CES1: variants seen among roughly 807,000 people sequenced by gnomAD.
CES1 encodes the protein liver carboxylesterase 1.
CES1 carries 50 observed loss-of-function variants against 53.0 expected under a neutral mutation model. The observed-to-expected ratio is 0.94, with a 90% CI of 0.75 to 1.19. The LOEUF (loss-of-function observed/expected upper bound fraction) is 1.19, where lower values mean the gene tolerates loss of function less well. Ranked by LOEUF, CES1 falls within the 50% of genes most tolerant of loss-of-function variation. CES1 has a pLI of 0.00. For synonymous variants in CES1, 202 were observed against 210.1 expected (o/e 0.96, Z 0.33); for missense variants, 534 against 538.0 (o/e 0.99, Z 0.07).
intron 8 of CES1, among the ~76,000 whole-genome samples, chr16:55,814,662 C>A (rs573117288): frequency 2.0e-5 from 3 of 152,368 alleles, no homozygotes; most frequent in East Asian, 3.9e-4. Context: ...TCTGTGGAAT[C>A]TTCCCAGTTC....
At chr16:55,816,795 C>G in intron 8 of CES1, 129 bp downstream of exon 8, 1 of 1,171,900 alleles carries the variant, frequency 8.5e-7, no homozygotes. Flanking sequence ...CTACCCCTCT[C>G]TGGGCCTCAG....
In CES1 at chr16:55,828,876, A is replaced by G; in HGVS notation, c.151T>C (p.Phe51Leu). 1 of 1,614,250 alleles carries G rather than the reference A, an allele frequency of 6.2e-7. No homozygotes were observed. The highest frequency in any genetic ancestry group is 1.7e-5 in the Admixed American group (1 of 60,036). ...GGCTTGGCAAAAGGGATTCCCAGGA[A>G]AATGGCCACAGGCTGTGCAAATCCT... Reference protein sequence around the residue: ...LEGFAQPVAIFLGIPFAKPPL... With the variant: ...LEGFAQPVAILLGIPFAKPPL... The change falls in exon 2 of 14, where the codon TTC becomes CTC. Residue 51 changes from phenylalanine (F) to leucine (L), a missense_variant. Physicochemically the swap from Phe to Leu is conservative, Grantham distance 22. Transcript: ENST00000360526.
At chr16:55,823,048 A>C (rs1185728560) in intron 4 of CES1, among the ~76,000 whole-genome samples, 14 of 152,082 alleles carry the variant, frequency 9.2e-5, no homozygotes, top group African/African-American at 3.4e-4. Flanking sequence ...AGTGGGTCCC[A>C]ACACTCCCAC....
At chr16:55,830,846 G>GCAGGCAGA (rs2032634722) in intron 1 of CES1, among the ~76,000 whole-genome samples, 1 of 151,454 alleles carries the variant, frequency 6.6e-6, no homozygotes, top group Admixed American at 6.6e-5. Flanking sequence ...AGGCAGGCAG[G>GCAGGCAGA]CAAGTGGGAG....
chr16:55,813,771 C>T (rs2031809116), intron 8 of CES1, among the ~76,000 whole-genome samples: 2 of 152,172 alleles, frequency 1.3e-5, no homozygotes, highest in Admixed American at 1.3e-4. Flanking sequence ...GACAGCAGCG[C>T]TACTCTTGGG....
At chr16:55,828,213 G>C (rs867212440) in intron 2 of CES1, 1 of 197,014 alleles carries the variant, frequency 5.1e-6, no homozygotes, top group African/African-American at 2.4e-5. Context: ...AGCTTGGCCA[G>C]GGTGAATGGA....
intron 8 of CES1, among the ~76,000 whole-genome samples, chr16:55,814,327 G>A (rs1377778365): frequency 6.6e-6 from 1 of 152,232 alleles, no homozygotes; most frequent in Non-Finnish European, 1.5e-5. Context: ...TGCCATCAGG[G>A]CAGCTGGTTC....
intron 9 of CES1, 26 bp downstream of exon 9, chr16:55,812,877 C>T: frequency 6.2e-7 from 1 of 1,613,530 alleles, no homozygotes; most frequent in South Asian, 1.1e-5. Flanking sequence ...TGGTTGAGTC[C>T]CTCCAACAGA....
Position 55,809,093 on chromosome 16 carries a change from C to CAAAAAAAAAAAAAAAAA in CES1, c.1318+1407_1318+1423dup, listed in dbSNP as rs376932562. On this transcript the variant is annotated intron_variant, in intron 11 of 13. Transcript: ENST00000360526. ...GTAGATAAAATCTGTGTAGTCCTGGCAAAAAAAAAAAAAAAAAAGCCCTGA... is the reference window on the plus strand; with the variant it reads ...GTAGATAAAATCTGTGTAGTCCTGGCAAAAAAAAAAAAAAAAAAAAAAAAAAAAAAAAAAAGCCCTGA... 1.5e-4 allele frequency among the ~76,000 whole-genome samples: 11 copies of CAAAAAAAAAAAAAAAAA among 72,048 alleles called. 2 individuals carry two copies. Among genetic ancestry groups the CAAAAAAAAAAAAAAAAA allele is most frequent in the South Asian group, 4.5e-4 (1 of 2,210 alleles). 47.3% of individuals were successfully genotyped at this position (72,048 alleles called of 152,430 possible).
intron 3 of CES1, among the ~76,000 whole-genome samples, 196 bp from the exon 4 acceptor site, chr16:55,823,879 C>A (rs1220733284): frequency 6.6e-6 from 1 of 152,284 alleles, no homozygotes; most frequent in Admixed American, 6.5e-5. Context: ...AGCCACCACC[C>A]TACTGCACAT....
intron 6 of CES1, chr16:55,819,892 C>G: frequency 1.7e-6 from 1 of 604,240 alleles, no homozygotes; most frequent in Non-Finnish European, 3.0e-6. Flanking sequence ...ACATAATCAT[C>G]TCAAGGTGAA....
Position 55,833,050 on chromosome 16 carries a change from C to A in CES1, c.6G>T (p.Trp2Cys), listed in dbSNP as rs368050410. The A allele has an allele frequency of 7.8e-5, 121 of 1,558,380 alleles. 22 individuals carry two copies. Among genetic ancestry groups the A allele is most frequent in the Non-Finnish European group, 1.0e-4 (118 of 1,139,174 alleles). ...GAGTGGCCAGGATAAAGGCACGGAG[C>A]CACATCGTGGAAGGGCGACAGTTCT... M[W>C]LRAFILATLS... Residue 2 changes from tryptophan (W) to cysteine (C), a missense_variant, in exon 1 of 14, where the codon TGG becomes TGT. Physicochemically the swap from Trp to Cys is radical, Grantham distance 215. Around this residue, in one of 5 missense-constraint regions of CES1, gnomAD observed 164 missense variants for 162.4 expected, o/e 1.01. Coordinates refer to ENST00000360526, the MANE Select transcript of CES1 (RefSeq NM_001025195.2).
chr16:55,830,773 A>AGAAGGAAGGAAG (rs1200351837), intron 1 of CES1, among the ~76,000 whole-genome samples: 6,229 of 75,920 alleles, frequency 0.082, 325 homozygotes, highest in Non-Finnish European at 0.096. Flanking sequence ...AAGGAAGGAA[A>AGAAGGAAGGAAG]GAAGGAAGGA....
At chr16:55,832,896 G>C in intron 1 of CES1, 108 bp downstream of exon 1, 1 of 1,060,392 alleles carries the variant, frequency 9.4e-7, no homozygotes. Context: ...GTGCCCCGCC[G>C]CAGAGCCGGA....
Position 55,821,352 on chromosome 16 carries a change from T to A in CES1, c.693+16A>T. ...ACATCAAGCGTGGGGTTGGGCCTGG[T>A]GACAGGAAAACTCACAAGAACAGAG... is the stretch of plus-strand genomic sequence containing the variant. On this transcript the variant is annotated intron_variant, in intron 5 of 13. Coordinates refer to ENST00000360526, the MANE Select transcript of CES1 (RefSeq NM_001025195.2). 6.2e-7 allele frequency: 1 copy of A among 1,614,152 alleles called. No homozygotes were observed. Among genetic ancestry groups the A allele is most frequent in the South Asian group, 1.1e-5 (1 of 91,078 alleles).
rs186344111 is a variant in CES1, at chr16:55,810,641, T to C, written c.1194A>G (p.Pro398=). Residue 398 remains proline (P), a synonymous_variant, in exon 11 of 14, where the codon CCA becomes CCG. Transcript: ENST00000360526. The part of the protein sequence containing the change: ...PLVCIAKELI[P]EATEKYLGGT... ...CTCCTAAGTATTTCTCAGTGGCTTC[T>C]GGAATCAGTTCCTTAGCAATGCACT... The C allele has an allele frequency of 1.2e-6, 2 of 1,614,204 alleles. No individual in the cohort carries two copies. The highest frequency in any genetic ancestry group is 1.7e-5 in the Admixed American group (1 of 60,034).
At position 55,811,012 on chromosome 16, in the gene CES1, T is replaced by TA. The variant is rs370314655; in HGVS notation, c.1087-3dup. On this transcript the variant is annotated splice_polypyrimidine_tract_variant and splice_region_variant and intron_variant, in intron 9 of 13. Coordinates refer to ENST00000360526, the MANE Select transcript of CES1 (RefSeq NM_001025195.2). ...GGAGAGTGGATAGCTCATCAACTGC[T>TA]AAAAAAAAAAAAAAGTTCAGCATTT... is the stretch of plus-strand genomic sequence containing the variant. The TA allele has an allele frequency of 0.07, 94,652 of 1,343,952 alleles. 998 individuals carry two copies. Among genetic ancestry groups the TA allele is most frequent in the East Asian group, 0.23 (8,748 of 37,708 alleles). 83.3% of individuals were successfully genotyped at this position (1,343,952 alleles called of 1,614,324 possible). A position where few individuals can be genotyped will look rare whatever the true frequency, so the allele number is the denominator to read the frequency against.
intron 3 of CES1, among the ~76,000 whole-genome samples, chr16:55,824,659 C>T (rs1403277273): frequency 5.9e-5 from 9 of 152,342 alleles, no homozygotes; most frequent in South Asian, 2.1e-4. Context: ...ACACTGCAGG[C>T]GCCGGCCACA....
chr16:55,817,674 G>A (rs1461155284), intron 7 of CES1, among the ~76,000 whole-genome samples: 1 of 152,010 alleles, frequency 6.6e-6, no homozygotes, highest in Non-Finnish European at 1.5e-5. Context: ...GTGTATGAGT[G>A]TGTCTGTGTG....
Sources: gnomAD v4.1 joint callset for allele counts (sites outside exome capture counted in the v4.1 genomes callset) on GRCh38, gnomAD v4.1.1 for gene constraint, gnomAD v4.1.1 regional missense constraint, MANE v1.5 for transcripts, NCBI Gene and HGNC (gene_info 2026-07-23, HGNC 2026-07-21) for gene names.